The following PHF24 variants were observed in gnomAD, a reference collection of about 807,000 sequenced individuals.
The protein encoded by PHF24 is Galpha inhibitory interacting protein.
PHF24 carries 25 observed loss-of-function variants against 42.6 expected under a neutral mutation model. The ratio of observed to expected loss-of-function variants is 0.59; its 90% CI spans 0.43 to 0.82. PHF24 has a LOEUF of 0.82. PHF24 is among the 40% of genes least tolerant of loss of function. PHF24 has a pLI of 0.00. For synonymous variants in PHF24, 185 were observed against 204.8 expected, an observed-to-expected ratio of 0.90 and a Z score of 0.83; for missense variants, 470 against 538.1, an observed-to-expected ratio of 0.87 and a Z score of 1.25.
the PHF24 span, among the ~76,000 whole-genome samples, chr9:34,874,646 C>A: frequency 6.6e-6 from 1 of 152,232 alleles, no homozygotes; most frequent in East Asian, 1.9e-4. Flanking sequence ...CTCTTAATCA[C>A]CATAAACAAT....
At chr9:34,956,295 T>C (rs1387337714), upstream of PHF24, among the ~76,000 whole-genome samples, 2 of 152,232 alleles carry the variant, frequency 1.3e-5, no homozygotes, top group Non-Finnish European at 2.9e-5. Context: ...AGTTTCGCTC[T>C]GTCACCCAGG....
chr9:34,807,365 T>A, the PHF24 span, among the ~76,000 whole-genome samples: 1 of 152,302 alleles, frequency 6.6e-6, no homozygotes, highest in Middle Eastern at 3.4e-3. Flanking sequence ...TCTCTGCTAG[T>A]GGCAGTGTGA....
the PHF24 span, among the ~76,000 whole-genome samples, chr9:34,732,864 A>G: frequency 8.5e-5 from 13 of 152,282 alleles, no homozygotes; most frequent in East Asian, 1.7e-3. Flanking sequence ...TATCTTCTGT[A>G]TATAATTTTC....
chr9:34,814,255 T>G, the PHF24 span, among the ~76,000 whole-genome samples: 1 of 152,212 alleles, frequency 6.6e-6, no homozygotes, highest in Non-Finnish European at 1.5e-5. Flanking sequence ...CTGTTTTGTT[T>G]TGTCTTGTTT....
At chr9:34,796,682 C>T in the PHF24 span, among the ~76,000 whole-genome samples, 3 of 152,136 alleles carry the variant, frequency 2.0e-5, no homozygotes, top group Non-Finnish European at 2.9e-5. Context: ...AAGAAAGCAG[C>T]GCAACTGGAT....
chr9:34,744,703 A>G, the PHF24 span, among the ~76,000 whole-genome samples: 2 of 152,218 alleles, frequency 1.3e-5, no homozygotes, highest in Non-Finnish European at 2.9e-5. Flanking sequence ...GAAATTGTGC[A>G]CTGGGTAACA....
the PHF24 span, chr9:34,690,948 C>T: frequency 5.9e-6 from 4 of 680,338 alleles, no homozygotes; most frequent in Admixed American, 3.1e-5. Flanking sequence ...AGGGACCTGC[C>T]AGGCTCACCG....
the PHF24 span, among the ~76,000 whole-genome samples, chr9:34,901,776 T>C: frequency 6.6e-6 from 1 of 152,282 alleles, no homozygotes; most frequent in South Asian, 2.1e-4. Flanking sequence ...GGGTATTTGA[T>C]GATATGAAGA....
chr9:34,710,226 G>C, the PHF24 span: 1 of 649,294 alleles, frequency 1.5e-6, no homozygotes, highest in Non-Finnish European at 2.7e-6. Context: ...CTGAAAGCTG[G>C]ATTTGCTGGC....
At chr9:34,714,039 G>A in the PHF24 span, among the ~76,000 whole-genome samples, 205 of 152,086 alleles carry the variant, frequency 1.3e-3, 1 homozygote, top group East Asian at 0.034. Flanking sequence ...TAAAGAGGTG[G>A]TGTTTCATTC....
the PHF24 span, among the ~76,000 whole-genome samples, chr9:34,720,852 T>C: frequency 1.3e-5 from 2 of 152,274 alleles, no homozygotes; most frequent in Admixed American, 6.5e-5. Context: ...TGATCACCTT[T>C]TCACCCACCT....
chr9:34,666,499 A>G, the PHF24 span, among the ~76,000 whole-genome samples: 2 of 150,828 alleles, frequency 1.3e-5, no homozygotes, highest in Non-Finnish European at 2.9e-5. Context: ...AAGTCACTGA[A>G]TGGCCGGAGG....
chr9:34,718,410 G>A, the PHF24 span, among the ~76,000 whole-genome samples: 1 of 152,178 alleles, frequency 6.6e-6, no homozygotes, highest in African/African-American at 2.4e-5. Flanking sequence ...TGCAAGACTG[G>A]TCAGCCCTGT....
chr9:34,878,451 A>G, the PHF24 span, among the ~76,000 whole-genome samples: 17 of 152,194 alleles, frequency 1.1e-4, no homozygotes, highest in African/African-American at 3.4e-4. Context: ...GGGTGGGGGA[A>G]TTCCCTTTCC....
intron 1 of PHF24, among the ~76,000 whole-genome samples, chr9:34,966,998 G>A (rs1421094534): frequency 1.3e-5 from 2 of 152,006 alleles, no homozygotes; most frequent in Non-Finnish European, 1.5e-5. Context: ...CACCTCAGCT[G>A]CCCACGTAGC....
chr9:34,908,842 C>CTTTT, the PHF24 span, among the ~76,000 whole-genome samples: 83 of 135,314 alleles, frequency 6.1e-4, no homozygotes, highest in Non-Finnish European at 8.2e-4. Flanking sequence ...CTTTTCTTTT[C>CTTTT]TTTTTTTTTT....
At chr9:34,764,446 A>C in the PHF24 span, among the ~76,000 whole-genome samples, 1 of 152,244 alleles carries the variant, frequency 6.6e-6, no homozygotes, top group Non-Finnish European at 1.5e-5. Context: ...TGTGTCAAGG[A>C]ATTTATTCAT....
At chr9:34,966,706 T>C (rs1303676573) in intron 1 of PHF24, among the ~76,000 whole-genome samples, 2 of 152,122 alleles carry the variant, frequency 1.3e-5, no homozygotes, top group African/African-American at 4.8e-5. Context: ...TTTTCTTTTT[T>C]AAGAGACAGG....
chr9:34,854,184 A>G, the PHF24 span, among the ~76,000 whole-genome samples: 175 of 105,936 alleles, frequency 1.7e-3, 1 homozygote, highest in African/African-American at 5.8e-3. Flanking sequence ...TAGTCTAGCT[A>G]GCAGTCTATC....
Sources: allele counts gnomAD v4.1 joint callset (sites outside exome capture counted in the v4.1 genomes callset), GRCh38; gene constraint gnomAD v4.1.1; transcripts MANE v1.5; gene names NCBI Gene and HGNC (gene_info 2026-07-23, HGNC 2026-07-21).